OGG1: variants seen among roughly 807,000 people sequenced by gnomAD.
OGG1 encodes 8-oxoguanine DNA glycosylase.
A neutral mutation model predicts 42.3 loss-of-function variants in OGG1; 35 were observed. That is an observed-to-expected ratio of 0.83 (90% CI 0.63 to 1.10). The LOEUF (loss-of-function observed/expected upper bound fraction) is 1.10. OGG1 is among the 50% of genes least tolerant of loss of function. OGG1 has a pLI of 0.00. For missense variants in OGG1, 484 were observed against 446.7 expected (o/e 1.08, Z -0.75); for synonymous variants, 189 against 179.0 (o/e 1.06, Z -0.44).
intron 2 of OGG1, among the ~76,000 whole-genome samples, chr3:9,777,138 C>T (rs911114615): frequency 2.0e-5 from 3 of 152,230 alleles, no homozygotes; most frequent in Admixed American, 6.5e-5. Flanking sequence ...CCCGTTCTCA[C>T]TCACCCTGGT....
At chr3:9,773,468 G>A (rs1488585557) in intron 2 of OGG1, among the ~76,000 whole-genome samples, 2 of 151,988 alleles carry the variant, frequency 1.3e-5, no homozygotes, top group Admixed American at 6.6e-5. Flanking sequence ...GTGGACCCGG[G>A]AGGCAGAGCT....
At chr3:9,780,258 G>A in intron 2 of OGG1, 2 of 1,324,198 alleles carry the variant, frequency 1.5e-6, no homozygotes, top group Middle Eastern at 2.3e-4. Context: ...CGCCATTTGA[G>A]GGACAGCCAC....
intron 3 of OGG1, among the ~76,000 whole-genome samples, chr3:9,786,423 G>C (rs563426807): frequency 6.6e-6 from 1 of 152,158 alleles, no homozygotes; most frequent in Non-Finnish European, 1.5e-5. Flanking sequence ...TCTTGTGTTT[G>C]AGCCAGAATA....
chr3:9,780,301 T>C (rs2078429015), intron 2 of OGG1: 1 of 1,521,946 alleles, frequency 6.6e-7, no homozygotes, highest in Admixed American at 2.0e-5. Flanking sequence ...AAGAAGGAAG[T>C]GGGCCTCCCT....
At chr3:9,755,446 C>T (rs1051653836) in intron 4 of OGG1, among the ~76,000 whole-genome samples, 1 of 150,506 alleles carries the variant, frequency 6.6e-6, no homozygotes, top group African/African-American at 2.5e-5. Context: ...AATAAGATGA[C>T]TGGAAATTAG....
chr3:9,750,107 C>A lies in OGG1; in HGVS notation c.-180C>A. On this transcript the variant is annotated 5_prime_UTR_variant, in exon 1 of 7. Transcript: ENST00000344629. ...GGGCACGAAGCGGGGCTTTGATGAC[C>A]CGCAAAGGGCGAGGCATGCAGGAGG... 1.2e-6 allele frequency: 1 copy of A among 804,952 alleles called. No homozygotes were observed. Among genetic ancestry groups the A allele is most frequent in the Non-Finnish European group, 1.9e-6 (1 of 522,178 alleles). The allele number at this position is 804,952 out of a possible 1,614,324, so 49.9% of individuals were successfully genotyped here.
At chr3:9,790,627 TG>T (rs2078706348), downstream of OGG1, among the ~76,000 whole-genome samples, 1 of 152,234 alleles carries the variant, frequency 6.6e-6, no homozygotes, top group Admixed American at 6.5e-5. Flanking sequence ...CTTTATGCAG[TG>T]AATAAAGTCA....
At chr3:9,760,974 G>C, downstream of OGG1, 1 of 673,300 alleles carries the variant, frequency 1.5e-6, no homozygotes, top group Non-Finnish European at 2.4e-6. Context: ...CCTCCTCAGG[G>C]CCTTTGCACT....
At chr3:9,769,150 C>T (rs544020424), downstream of OGG1, among the ~76,000 whole-genome samples, 1 of 152,064 alleles carries the variant, frequency 6.6e-6, no homozygotes, top group East Asian at 1.9e-4. Context: ...GCCCTGCACC[C>T]GAACACCTGC....
intron 4 of OGG1, among the ~76,000 whole-genome samples, chr3:9,755,217 C>T (rs192106455): frequency 1.3e-4 from 19 of 151,812 alleles, no homozygotes; most frequent in Non-Finnish European, 2.5e-4. Flanking sequence ...TTCTTCTTTT[C>T]GGTTTTTTGT....
intron 6 of OGG1, 114 bp from the exon 7 acceptor site, chr3:9,756,947 A>G: frequency 6.2e-7 from 1 of 1,611,232 alleles, no homozygotes; most frequent in Non-Finnish European, 8.5e-7. Context: ...GTGGATTCTC[A>G]TTGCCTTCGG....
downstream of OGG1, chr3:9,761,761 G>A (rs1464990229): frequency 1.2e-6 from 2 of 1,614,116 alleles, no homozygotes; most frequent in South Asian, 1.1e-5. Context: ...TCTCTGGCTT[G>A]AAGGGCAGGA....
intron 3 of OGG1, among the ~76,000 whole-genome samples, chr3:9,786,046 C>A (rs996308848): frequency 5.3e-5 from 8 of 152,144 alleles, no homozygotes; most frequent in African/African-American, 1.9e-4. Context: ...TCATGCCATT[C>A]TCCTGCCTCA....
chr3:9,770,159 C>T (rs908160675), downstream of OGG1, among the ~76,000 whole-genome samples: 3 of 152,216 alleles, frequency 2.0e-5, no homozygotes, highest in African/African-American at 7.2e-5. Context: ...GTCCATTTCA[C>T]AGAGGGGACA....
chr3:9,761,952 G>T (rs564224182), downstream of OGG1: 45 of 695,486 alleles, frequency 6.5e-5, no homozygotes, highest in East Asian at 4.7e-4. Context: ...AAGAGGGTGT[G>T]GGGGGGAACT....
At chr3:9,765,086 G>T (rs1278544875) in intron 7 of OGG1, among the ~76,000 whole-genome samples, 1 of 151,852 alleles carries the variant, frequency 6.6e-6, no homozygotes, top group East Asian at 2.0e-4. Context: ...AATTAGCCGG[G>T]CGTGGTGGCA....
chr3:9,754,964 G>C, intron 4 of OGG1, 79 bp downstream of exon 4: 1 of 1,309,776 alleles, frequency 7.6e-7, no homozygotes, highest in Non-Finnish European at 1.1e-6. Flanking sequence ...CCTGGGAGCT[G>C]GGTGGAGGCT....
At chr3:9,790,387 G>A (rs1215713034), downstream of OGG1, among the ~76,000 whole-genome samples, 13 of 152,194 alleles carry the variant, frequency 8.5e-5, no homozygotes, top group Admixed American at 8.5e-4. Flanking sequence ...CCAGGGACAA[G>A]TTAATTCCAT....
At chr3:9,760,630 G>T, downstream of OGG1, 2 of 1,612,406 alleles carry the variant, frequency 1.2e-6, no homozygotes, top group East Asian at 2.2e-5. Flanking sequence ...GCAGGGCCCA[G>T]GGGAAAAAAG....
Sources: allele counts gnomAD v4.1 joint callset (sites outside exome capture counted in the v4.1 genomes callset), GRCh38; gene constraint gnomAD v4.1.1; transcripts MANE v1.5; gene names NCBI Gene and HGNC (gene_info 2026-07-23, HGNC 2026-07-21).